Variants in TMPRSS3 observed in about 807,000 individuals in gnomAD.
TMPRSS3 encodes transmembrane protease serine 3.
In TMPRSS3, 55 loss-of-function variants were observed where a neutral mutation model predicts 59.6. The ratio of observed to expected loss-of-function variants is 0.92; its 90% CI spans 0.74 to 1.16. TMPRSS3 has a LOEUF of 1.16. Among genes scored for constraint, TMPRSS3 ranks in the 50% most tolerant of loss-of-function variants. The pLI, the probability that TMPRSS3 is intolerant of heterozygous loss-of-function variation, is 0.00. For synonymous variants in TMPRSS3, 257 were observed against 237.7 expected (o/e 1.08, Z -0.75); for missense variants, 596 against 579.4 (o/e 1.03, Z -0.29).
chr21:42,392,945 T>G (rs988041151), intron 2 of TMPRSS3, among the ~76,000 whole-genome samples: 1 of 152,244 alleles, frequency 6.6e-6, no homozygotes, highest in Non-Finnish European at 1.5e-5. Flanking sequence ...CTGTGCTTGG[T>G]CCTTGAGGAC....
chr21:42,377,309 CAG>C (rs904126761), intron 10 of TMPRSS3, among the ~76,000 whole-genome samples: 1 of 152,162 alleles, frequency 6.6e-6, no homozygotes, highest in African/African-American at 2.4e-5. Flanking sequence ...GAGCAGGGAC[CAG>C]AGTCAGAGAG....
At chr21:42,382,579 G>T in intron 8 of TMPRSS3, 1 of 399,860 alleles carries the variant, frequency 2.5e-6, no homozygotes, top group Non-Finnish European at 4.7e-6. Context: ...GAGAACCATT[G>T]TGTTTGGAAG....
At position 42,388,691 on chromosome 21, in the gene TMPRSS3, G is replaced by T. The variant is rs949024094; in HGVS notation, c.323-165C>A. ...CAGAGCAGTGACTCTGGATCCCTGA[G>T]ACTTCTCGCTGGTCTCATCTTATTG... On this transcript the variant is annotated intron_variant, in intron 4 of 12. Transcript: ENST00000644384. This position sits in a 1 kb window ranked among gnomAD's most constrained non-coding sequence, Gnocchi z 5.1. Among the ~76,000 whole-genome samples the T allele has an allele frequency of 6.6e-6, 1 of 152,190 alleles. No homozygotes were observed. The highest frequency in any genetic ancestry group is 1.9e-4 in the East Asian group (1 of 5,196).
At chr21:42,380,495 T>C (rs1187399790) in intron 9 of TMPRSS3, among the ~76,000 whole-genome samples, 2 of 152,172 alleles carry the variant, frequency 1.3e-5, no homozygotes. Context: ...TAGTCAATGT[T>C]GTAGGCTTCG....
chr21:42,384,946 T>C (rs1380427137), intron 6 of TMPRSS3, among the ~76,000 whole-genome samples: 1 of 151,780 alleles, frequency 6.6e-6, no homozygotes, highest in African/African-American at 2.4e-5. Context: ...ACATGTAAAA[T>C]AAATAATGAA....
chr21:42,375,402 G>A (rs936989459), intron 12 of TMPRSS3, among the ~76,000 whole-genome samples: 1 of 144,224 alleles, frequency 6.9e-6, no homozygotes, highest in East Asian at 2.0e-4. Context: ...CACGGGGCAC[G>A]CCCGACCCAT....
chr21:42,389,644 C>A (rs1342208059), intron 3 of TMPRSS3, among the ~76,000 whole-genome samples: 1 of 152,264 alleles, frequency 6.6e-6, no homozygotes, highest in Non-Finnish European at 1.5e-5. Flanking sequence ...GCCTCCCTCC[C>A]ACCTGCAGGA....
chr21:42,383,944 G>A (rs750093033), intron 7 of TMPRSS3, 26 bp downstream of exon 7: 1 of 1,613,550 alleles, frequency 6.2e-7, no homozygotes, highest in Non-Finnish European at 8.5e-7. Flanking sequence ...GCTCCCCCTG[G>A]ACCCCTGCCT....
intron 10 of TMPRSS3, among the ~76,000 whole-genome samples, chr21:42,377,873 C>T (rs993466535): frequency 1.3e-5 from 2 of 152,308 alleles, no homozygotes; most frequent in South Asian, 2.1e-4. Context: ...AGGGGCTCGT[C>T]GGACCTTTTG....
chr21:42,390,924 C>A (rs1056995587), intron 2 of TMPRSS3, among the ~76,000 whole-genome samples: 1 of 152,084 alleles, frequency 6.6e-6, no homozygotes, highest in African/African-American at 2.4e-5. Context: ...GGGCACGGTG[C>A]CCTATGGGTT....
chr21:42,376,174 G>A (rs1454527074), intron 11 of TMPRSS3, among the ~76,000 whole-genome samples: 2 of 152,146 alleles, frequency 1.3e-5, no homozygotes, highest in Non-Finnish European at 2.9e-5. Context: ...CCTGGCCAGG[G>A]CCCTCAGGTG....
At chr21:42,390,238 G>A (rs117977141) in intron 2 of TMPRSS3, 326 of 598,896 alleles carry the variant, frequency 5.4e-4, no homozygotes, top group Non-Finnish European at 7.9e-4. Context: ...CCTCTGACCC[G>A]GTTATTCCAT....
In TMPRSS3 at chr21:42,388,175, C is replaced by T. The variant is rs1288271184; in HGVS notation, c.446+228G>A. On this transcript the variant is annotated intron_variant, in intron 5 of 12. Transcript: ENST00000644384. This position sits in a 1 kb window ranked among gnomAD's most constrained non-coding sequence, Gnocchi z 5.1. ...CCGATCCTGGCCTGGCCCTGGGAAC[C>T]CCCAAACATGCCACTTCCCATGTGC... Among the ~76,000 whole-genome samples the T allele has an allele frequency of 6.6e-6, 1 of 152,156 alleles. No homozygotes were observed. The highest frequency in any genetic ancestry group is 1.5e-5 in the Non-Finnish European group (1 of 68,028).
At chr21:42,382,797 T>C in intron 8 of TMPRSS3, 1 of 596,662 alleles carries the variant, frequency 1.7e-6, no homozygotes, top group South Asian at 1.9e-5. Flanking sequence ...CTTCCTCTTC[T>C]GTCTGCCCTT....
chr21:42,389,097 A>G, intron 3 of TMPRSS3, 52 bp from the exon 4 acceptor site: 1 of 1,610,758 alleles, frequency 6.2e-7, no homozygotes, highest in Non-Finnish European at 8.5e-7. Context: ...TCAGAGTGCA[A>G]CACTAACAAC....
intron 6 of TMPRSS3, 137 bp downstream of exon 6, chr21:42,385,272 C>T: frequency 8.5e-7 from 1 of 1,174,290 alleles, no homozygotes; most frequent in Non-Finnish European, 1.3e-6. Context: ...CCAGTCTCAT[C>T]AAGGTGGCCA....
chr21:42,386,027 G>A (rs2052628797), intron 5 of TMPRSS3, among the ~76,000 whole-genome samples: 1 of 152,144 alleles, frequency 6.6e-6, no homozygotes, highest in Non-Finnish European at 1.5e-5. Context: ...GAGCCCCACT[G>A]GAAAGAGATG....
intron 6 of TMPRSS3, among the ~76,000 whole-genome samples, chr21:42,384,676 A>G (rs1601525761): frequency 6.6e-6 from 1 of 152,208 alleles, no homozygotes; most frequent in African/African-American, 2.4e-5. Flanking sequence ...GTCCCTCCAG[A>G]CTGCAGGTGG....
At position 42,379,033 on chromosome 21, in the gene TMPRSS3, C is replaced by T. The variant is rs145196363; in HGVS notation, c.1048+1084G>A. Among the ~76,000 whole-genome samples, 577 of 151,944 alleles carry T rather than the reference C, an allele frequency of 3.8e-3. 2 individuals carry two copies. The highest frequency in any genetic ancestry group is 0.013 in the African/African-American group (546 of 41,432). On this transcript the variant is annotated intron_variant, in intron 10 of 12. Transcript: ENST00000644384. The stretch of plus-strand genomic sequence containing the variant: ...CTGAATAGCTGGGATTACAGGTGTG[C>T]GCCACCATGCCTGGCTAATTTTTGT...
Sources: allele counts gnomAD v4.1 joint callset (sites outside exome capture counted in the v4.1 genomes callset), GRCh38; gene constraint gnomAD v4.1.1; non-coding constraint Gnocchi (gnomAD v3.1); transcripts MANE v1.5; gene names NCBI Gene and HGNC (gene_info 2026-07-23, HGNC 2026-07-21).